The following RAB27A variants were observed in gnomAD, a reference collection of about 807,000 sequenced individuals.
The protein encoded by RAB27A is ras-related protein Rab-27A.
A neutral mutation model predicts 20.8 loss-of-function variants in RAB27A; 17 were observed. The observed-to-expected ratio is 0.82, with a 90% CI of 0.56 to 1.23. The LOEUF (loss-of-function observed/expected upper bound fraction) is 1.23, where lower values mean the gene tolerates loss of function less well. Among genes scored for constraint, RAB27A ranks in the 50% most tolerant of loss-of-function variants. RAB27A has a pLI of 0.00. For missense variants in RAB27A, 277 were observed against 266.7 expected (o/e 1.04, Z -0.27); for synonymous variants, 85 against 92.8 (o/e 0.92, Z 0.48).
chr15:55,267,994 T>G (rs1897565368), intron 2 of RAB27A, among the ~76,000 whole-genome samples: 1 of 152,128 alleles, frequency 6.6e-6, no homozygotes, highest in African/African-American at 2.4e-5. Context: ...GGGTCATACC[T>G]CTGTGACTTA....
chr15:55,247,210 A>T (rs1896720993), intron 2 of RAB27A, among the ~76,000 whole-genome samples: 1 of 152,196 alleles, frequency 6.6e-6, no homozygotes, highest in South Asian at 2.1e-4. Context: ...ACTGGTAAGT[A>T]CAGGGAATTC....
chr15:55,235,002 CATTA>C lies in RAB27A; in HGVS notation c.-22-50_-22-47del. 1.1e-5 allele frequency: 15 copies of C among 1,399,206 alleles called. No individual in the cohort carries two copies. In the South Asian group the frequency reaches 1.8e-4, roughly 17 times the overall value. 86.7% of individuals were successfully genotyped at this position (1,399,206 alleles called of 1,614,324 possible). A position where few individuals can be genotyped will look rare whatever the true frequency, so the allele number is the denominator to read the frequency against. ...TTTTTAATTAAAATCCATTAGAAAACATTAATTATCCATTTAAAAAGTGACAACA... is the reference window on the plus strand; with the variant it reads ...TTTTTAATTAAAATCCATTAGAAAACATTATCCATTTAAAAAGTGACAACA... On this transcript the variant is annotated intron_variant, in intron 2 of 6. Transcript: ENST00000336787.
intron 6 of RAB27A, among the ~76,000 whole-genome samples, chr15:55,206,847 A>T (rs1210498808): frequency 6.6e-6 from 1 of 152,152 alleles, no homozygotes; most frequent in Non-Finnish European, 1.5e-5. Context: ...AAAGTTTAAA[A>T]CTTTGGTGCC....
At chr15:55,255,359 C>T (rs970814804) in intron 2 of RAB27A, among the ~76,000 whole-genome samples, 1 of 152,144 alleles carries the variant, frequency 6.6e-6, no homozygotes, top group Non-Finnish European at 1.5e-5. Context: ...AGGTCATCTG[C>T]CACTTTTAAG....
chr15:55,227,419 A>G (rs1004400674), intron 5 of RAB27A, among the ~76,000 whole-genome samples: 1 of 152,218 alleles, frequency 6.6e-6, no homozygotes, highest in Non-Finnish European at 1.5e-5. Context: ...AGCCACTGTC[A>G]TTCAGCTACA....
chr15:55,304,149 A>T (rs1338140812), intron 2 of RAB27A, among the ~76,000 whole-genome samples: 1 of 152,066 alleles, frequency 6.6e-6, no homozygotes, highest in East Asian at 1.9e-4. Flanking sequence ...GATCCTGTTG[A>T]TCTGTGACCT....
intron 1 of RAB27A, among the ~76,000 whole-genome samples, chr15:55,275,501 C>T (rs1897839499): frequency 6.6e-6 from 1 of 151,306 alleles, no homozygotes; most frequent in Admixed American, 6.6e-5. Flanking sequence ...GTGGTGGGCA[C>T]CTGTAATCCT....
intron 2 of RAB27A, among the ~76,000 whole-genome samples, chr15:55,251,347 A>G (rs1896882893): frequency 6.6e-6 from 1 of 152,178 alleles, no homozygotes; most frequent in Admixed American, 6.5e-5. Flanking sequence ...TTCCTGGGGA[A>G]AGGGTCCTGG....
At chr15:55,232,974 A>C (rs969492249) in intron 3 of RAB27A, among the ~76,000 whole-genome samples, 2 of 151,856 alleles carry the variant, frequency 1.3e-5, no homozygotes, top group African/African-American at 4.8e-5. Context: ...AAATATAAAC[A>C]ATTAGCCGGG....
At chr15:55,270,588 C>T (rs896460600) in intron 1 of RAB27A, among the ~76,000 whole-genome samples, 5 of 152,166 alleles carry the variant, frequency 3.3e-5, no homozygotes, top group African/African-American at 9.7e-5. Flanking sequence ...CCACCTACCC[C>T]GTGAATCAAA....
chr15:55,268,043 CAG>C (rs1322193222), intron 2 of RAB27A, among the ~76,000 whole-genome samples: 1 of 152,122 alleles, frequency 6.6e-6, no homozygotes, highest in African/African-American at 2.4e-5. Context: ...TGGTAAGAGA[CAG>C]AGAGAGCAGC....
chr15:55,243,518 T>C (rs1397558670), intron 2 of RAB27A, among the ~76,000 whole-genome samples: 2 of 151,712 alleles, frequency 1.3e-5, no homozygotes, highest in African/African-American at 4.8e-5. Context: ...TGGCTGGGCA[T>C]GGTGGCAGGC....
chr15:55,253,897 G>A (rs1398185766), intron 2 of RAB27A, among the ~76,000 whole-genome samples: 1 of 152,206 alleles, frequency 6.6e-6, no homozygotes, highest in African/African-American at 2.4e-5. Flanking sequence ...GAAGATGTAA[G>A]TATCCACGTG....
intron 2 of RAB27A, among the ~76,000 whole-genome samples, chr15:55,242,951 T>C (rs73409891): frequency 0.011 from 1,619 of 152,294 alleles, 35 homozygotes; most frequent in African/African-American, 0.037. Context: ...TCCTTCAGAG[T>C]GAGAAACCTC....
At chr15:55,212,750 C>T (rs1895089160) in intron 6 of RAB27A, among the ~76,000 whole-genome samples, 1 of 152,160 alleles carries the variant, frequency 6.6e-6, no homozygotes, top group South Asian at 2.1e-4. Context: ...AGGATGGTCT[C>T]GATCTCCTGA....
rs1434963259 is a variant in RAB27A at position 55,230,489 on chromosome 15, A to G, written c.154-3T>C. On this transcript the variant is annotated splice_polypyrimidine_tract_variant and splice_region_variant and intron_variant, in intron 3 of 6. Coordinates refer to ENST00000336787, the MANE Select transcript of RAB27A (RefSeq NM_183235.3). ...TCCGGCCCACTGGCTCTGTACACCT[A>G]AAACAGCAAAGTGAAAGAGAAAACA... 3 of 1,610,572 alleles carry G rather than the reference A, an allele frequency of 1.9e-6. No individual in the cohort carries two copies. The highest frequency in any genetic ancestry group is 1.7e-5 in the Admixed American group (1 of 59,962).
At chr15:55,307,280 A>T (rs1019954686) in intron 2 of RAB27A, among the ~76,000 whole-genome samples, 4 of 152,036 alleles carry the variant, frequency 2.6e-5, no homozygotes, top group African/African-American at 9.7e-5. Flanking sequence ...TTGGTCAAGC[A>T]GAAGGTCATT....
At chr15:55,310,070 A>G (rs1224555688) in intron 2 of RAB27A, among the ~76,000 whole-genome samples, 1 of 152,098 alleles carries the variant, frequency 6.6e-6, no homozygotes, top group Non-Finnish European at 1.5e-5. Context: ...GTTCAGGTGT[A>G]TAATGGCCCC....
chr15:55,302,943 A>G (rs2054979486), intron 2 of RAB27A, among the ~76,000 whole-genome samples: 1 of 132,534 alleles, frequency 7.5e-6, no homozygotes, highest in African/African-American at 3.3e-5. Flanking sequence ...GGAAGTGAGG[A>G]GCATCTCCGC....
Sources: gnomAD v4.1 joint callset for allele counts (sites outside exome capture counted in the v4.1 genomes callset) on GRCh38, gnomAD v4.1.1 for gene constraint, MANE v1.5 for transcripts, NCBI Gene and HGNC (gene_info 2026-07-23, HGNC 2026-07-21) for gene names.